The following SNAP47 variants were observed in gnomAD, a reference collection of about 807,000 sequenced individuals.
SNAP47 encodes synaptosome associated protein 47.
Under a neutral mutation model 31.4 loss-of-function variants are expected in SNAP47, and 20 were observed. That is an observed-to-expected ratio of 0.64 (90% CI 0.45 to 0.93). SNAP47 has a LOEUF of 0.93. Ranked by LOEUF, SNAP47 falls within the 40% of genes least tolerant of loss-of-function variation. The pLI is 0.00. For missense variants in SNAP47, 492 were observed against 528.5 expected (o/e 0.93, Z 0.68); for synonymous variants, 194 against 213.4 (o/e 0.91, Z 0.79).
intron 4 of SNAP47, among the ~76,000 whole-genome samples, chr1:227,777,522 G>A (rs1339348390): frequency 2.6e-5 from 4 of 152,202 alleles, no homozygotes; most frequent in Admixed American, 1.3e-4. Context: ...GGGCCTTGCC[G>A]TAGGTAGTGT....
At chr1:227,745,994 AT>A (rs1439260801) in intron 1 of SNAP47, 2 of 152,200 alleles carry the variant, frequency 1.3e-5, no homozygotes, top group Non-Finnish European at 2.9e-5. Context: ...GGGATTTCTC[AT>A]TGATTAGCCT....
chr1:227,735,358 C>G (rs768220030), upstream of SNAP47: 1 of 1,593,414 alleles, frequency 6.3e-7, no homozygotes, highest in South Asian at 1.1e-5. Context: ...CCAGAAGACG[C>G]AGGGCGCCGC....
intron 4 of SNAP47, among the ~76,000 whole-genome samples, chr1:227,771,552 C>T (rs973938660): frequency 5.9e-5 from 9 of 152,248 alleles, no homozygotes; most frequent in Admixed American, 1.3e-4. Context: ...TGAGTGGAGG[C>T]GGCATCACAG....
Position 227,750,272 on chromosome 1 carries a change from C to T in SNAP47, c.497+2039C>T, listed in dbSNP as rs73093328. ...CAGGGGGCCAGCAGCTGGAGCCCCA[C>T]GGACAGTTGCAGGCCGAAGGCCATG... On this transcript the variant is annotated intron_variant, in intron 2 of 4. Transcript: ENST00000617596. Among the ~76,000 whole-genome samples, 1,245 of 152,290 alleles carry T rather than the reference C, an allele frequency of 8.2e-3. 20 individuals are homozygous for T. Among genetic ancestry groups the T allele is most frequent in the African/African-American group, 0.028 (1,180 of 41,576 alleles).
At chr1:227,747,567 G>A in intron 1 of SNAP47, 125 bp from the exon 2 acceptor site, 4 of 948,992 alleles carry the variant, frequency 4.2e-6, no homozygotes, top group South Asian at 1.7e-5. Context: ...CAGGTGGATC[G>A]AGAGTCAGCC....
Position 227,759,246 on chromosome 1 carries a change from T to A in SNAP47, c.749T>A (p.Phe250Tyr), listed in dbSNP as rs772565012. ...HDSSSLLMHR[F>Y]EREDVDDIKV... ...TCCAGTTCTTTGCTCATGCACAGGTTTGAAAGAGAAGACGTGGACGACATC... is the reference window on the plus strand; with the variant it reads ...TCCAGTTCTTTGCTCATGCACAGGTATGAAAGAGAAGACGTGGACGACATC... The change falls in exon 3 of 5, where the codon TTT becomes TAT. Residue 250 changes from phenylalanine (F) to tyrosine (Y), a missense_variant. Coordinates refer to ENST00000617596, the MANE Select transcript of SNAP47 (RefSeq NM_053052.4). 1 of 1,614,222 alleles carries A rather than the reference T, an allele frequency of 6.2e-7. No individual in the cohort carries two copies. The highest frequency in any genetic ancestry group is 1.1e-5 in the South Asian group (1 of 91,090).
chr1:227,765,240 GC>G (rs1412869808), intron 3 of SNAP47, among the ~76,000 whole-genome samples: 1 of 152,210 alleles, frequency 6.6e-6, no homozygotes, highest in East Asian at 1.9e-4. Flanking sequence ...CTTGGGCAGG[GC>G]GGGGTGGGGT....
chr1:227,775,886 G>T, intron 4 of SNAP47: 2 of 1,303,466 alleles, frequency 1.5e-6, no homozygotes, highest in Non-Finnish European at 2.0e-6. Flanking sequence ...TCCTAGCAGG[G>T]CAGCAAGCGG....
Position 227,759,334 on chromosome 1 carries a change from C to T in SNAP47, c.837C>T (p.Ala279=), listed in dbSNP as rs776844648. 6.2e-7 allele frequency: 1 copy of T among 1,614,214 alleles called. No homozygotes were observed. Among genetic ancestry groups the T allele is most frequent in the East Asian group, 2.2e-5 (1 of 44,886 alleles). Residue 279 remains alanine, a synonymous_variant, in exon 3 of 5, where the codon GCC becomes GCT. Coordinates refer to ENST00000617596, the MANE Select transcript of SNAP47 (RefSeq NM_053052.4). ...RQRFIGKPDM[A]YRLISAKMPE... The stretch of plus-strand genomic sequence containing the variant: ...GGTTTATTGGAAAGCCAGACATGGC[C>T]TATCGTTTGATATCTGCCAAGATGC...
intron 2 of SNAP47, among the ~76,000 whole-genome samples, chr1:227,752,418 G>A (rs57892813): frequency 0.085 from 12,294 of 143,914 alleles, 779 homozygotes; most frequent in East Asian, 0.36. Context: ...TTCCCCACCC[G>A]CCCCACACCT....
rs374713216 is a variant in SNAP47, at chr1:227,741,632, G to A, written c.-45-6060G>A. ...CTGGGGGCTGAGAGAGAGAGGGTGGGATCAGGGCCCCGGGAGGAGGGTCTG... is the reference window on the plus strand; with the variant it reads ...CTGGGGGCTGAGAGAGAGAGGGTGGAATCAGGGCCCCGGGAGGAGGGTCTG... On this transcript the variant is annotated intron_variant, in intron 1 of 4. Coordinates refer to ENST00000617596, the MANE Select transcript of SNAP47 (RefSeq NM_053052.4). The surrounding 1 kb of genome is among the most constrained non-coding windows in gnomAD (Gnocchi z 4.2). Among the ~76,000 whole-genome samples the A allele has an allele frequency of 1.3e-5, 2 of 152,254 alleles. No homozygotes were observed. Among genetic ancestry groups the A allele is most frequent in the African/African-American group, 4.8e-5 (2 of 41,540 alleles).
chr1:227,772,131 G>A (rs955692603), intron 4 of SNAP47, among the ~76,000 whole-genome samples: 27 of 152,224 alleles, frequency 1.8e-4, no homozygotes, highest in African/African-American at 4.8e-4. Context: ...TGGGTGTCAT[G>A]GAGGCCCTGG....
chr1:227,734,446 A>T (rs1429989161), upstream of SNAP47: 2 of 495,838 alleles, frequency 4.0e-6, no homozygotes, highest in Non-Finnish European at 7.0e-6. Flanking sequence ...TCTCAAAAAA[A>T]AAGGAAAAAA....
intron 2 of SNAP47, among the ~76,000 whole-genome samples, chr1:227,748,919 G>A (rs952371557): frequency 1.6e-4 from 25 of 152,166 alleles, no homozygotes; most frequent in Admixed American, 9.8e-4. Context: ...TTCCAAGTCC[G>A]ATTTTTGCTT....
At chr1:227,739,894 G>T (rs1160659854) in intron 1 of SNAP47, among the ~76,000 whole-genome samples, 1 of 152,218 alleles carries the variant, frequency 6.6e-6, no homozygotes, top group Non-Finnish European at 1.5e-5. Context: ...GAAGGAGGTT[G>T]CAGATTGCAA....
intron 4 of SNAP47, chr1:227,775,691 C>T: frequency 8.2e-7 from 1 of 1,214,016 alleles, no homozygotes; most frequent in Admixed American, 2.4e-5. Flanking sequence ...GGTGGGCCCA[C>T]CCTACTTCAT....
rs771606685 is a variant in SNAP47, at chr1:227,759,021, C to G, written c.524C>G (p.Ala175Gly). ...TTGCTGACAGAACTGGAATCTCCTG[C>G]TTGGTGGCCCTTTAGCTCCAAGCTT... ...DRLLTELESPAWWPFSSKLWK... is the reference protein window; with the variant it reads ...DRLLTELESPGWWPFSSKLWK... Residue 175 changes from alanine (A) to glycine (G), a missense_variant, in exon 3 of 5, where the codon GCT becomes GGT. Transcript: ENST00000617596. 28 of 1,604,396 alleles carry G rather than the reference C, an allele frequency of 1.7e-5. No individual in the cohort carries two copies. The highest frequency in any genetic ancestry group is 6.9e-5 in the Admixed American group (4 of 58,016).
At chr1:227,751,921 G>C (rs1023167347) in intron 2 of SNAP47, among the ~76,000 whole-genome samples, 3 of 151,848 alleles carry the variant, frequency 2.0e-5, no homozygotes, top group Admixed American at 1.3e-4. Context: ...CCGCTACCGC[G>C]CCTGGCTAAT....
chr1:227,773,469 T>A (rs1184651189), intron 4 of SNAP47, among the ~76,000 whole-genome samples: 1 of 152,168 alleles, frequency 6.6e-6, no homozygotes, highest in Non-Finnish European at 1.5e-5. Flanking sequence ...CACCTGTTAT[T>A]GAAGAAAGAC....
Sources: allele counts gnomAD v4.1 joint callset (sites outside exome capture counted in the v4.1 genomes callset), GRCh38; gene constraint gnomAD v4.1.1; non-coding constraint Gnocchi (gnomAD v3.1); transcripts MANE v1.5; gene names NCBI Gene and HGNC (gene_info 2026-07-23, HGNC 2026-07-21).